Variants in TMEM132D observed in about 807,000 individuals in gnomAD.
TMEM132D encodes transmembrane protein 132D, also known as mature OL transmembrane protein.
A neutral mutation model predicts 62.3 loss-of-function variants in TMEM132D; 21 were observed. That is an observed-to-expected ratio of 0.34 (90% confidence interval 0.24 to 0.49). TMEM132D has a LOEUF of 0.49. TMEM132D is among the 20% of genes least tolerant of loss of function. The pLI is 0.99. For missense variants in TMEM132D, 1,346 were observed against 1,402.8 expected, an observed-to-expected ratio of 0.96 and a Z score of 0.65; for synonymous variants, 621 against 575.6, an observed-to-expected ratio of 1.08 and a Z score of -1.13.
At chr12:129,706,714 AC>A (rs1471624245) in intron 1 of TMEM132D, among the ~76,000 whole-genome samples, 1 of 151,992 alleles carries the variant, frequency 6.6e-6, no homozygotes, top group East Asian at 1.9e-4. Flanking sequence ...CTACAAGGAG[AC>A]AATAATAATA....
At chr12:129,310,847 G>T (rs1566029336) in intron 4 of TMEM132D, among the ~76,000 whole-genome samples, 2 of 152,160 alleles carry the variant, frequency 1.3e-5, no homozygotes, top group Admixed American at 6.5e-5. Flanking sequence ...GGGCTTGCAT[G>T]CATCGTTGTC....
chr12:129,222,873 T>C (rs1282785598), intron 4 of TMEM132D, among the ~76,000 whole-genome samples: 1 of 151,974 alleles, frequency 6.6e-6, no homozygotes, highest in African/African-American at 2.4e-5. Flanking sequence ...TATCACATAC[T>C]TGAAATTTGC....
At chr12:129,619,181 G>A (rs1878998408) in intron 2 of TMEM132D, among the ~76,000 whole-genome samples, 1 of 152,154 alleles carries the variant, frequency 6.6e-6, no homozygotes, top group Admixed American at 6.5e-5. Context: ...TTCCATCATA[G>A]CCTAAAATCG....
At chr12:129,130,015 C>CTGTGTGTGTGTGTGTG (rs59282376) in intron 5 of TMEM132D, among the ~76,000 whole-genome samples, 238 of 141,952 alleles carry the variant, frequency 1.7e-3, no homozygotes, top group Non-Finnish European at 2.2e-3. Context: ...AAGCTCTGCT[C>CTGTGTGTGTGTGTGTG]TGTGTGTGTG....
chr12:129,831,508 T>C (rs1267366091), intron 1 of TMEM132D, among the ~76,000 whole-genome samples: 1 of 152,210 alleles, frequency 6.6e-6, no homozygotes, highest in East Asian at 1.9e-4. Flanking sequence ...ATGCGGCCGG[T>C]GCCTCGGCTG....
chr12:129,272,214 G>A lies in TMEM132D; in HGVS notation c.1300-62551C>T, dbSNP rs189759411. Among the ~76,000 whole-genome samples, 97 of 151,940 alleles carry A rather than the reference G, an allele frequency of 6.4e-4. 1 individual carries two copies. Among genetic ancestry groups the A allele is most frequent in the Non-Finnish European group, 1.1e-3 (72 of 68,012 alleles). On this transcript the variant is annotated intron_variant, in intron 4 of 8. Transcript: ENST00000422113. ...GATCGGCAGGGACCGCATGCCCTGG[G>A]CACTTGCTGGGAATGCAGGATCCTA... is the stretch of plus-strand genomic sequence containing the variant.
At position 129,903,304 on chromosome 12, in the gene TMEM132D, G is replaced by C. The variant is rs1875432625; in HGVS notation, c.36C>G (p.His12Gln). 6.4e-7 allele frequency: 1 copy of C among 1,554,722 alleles called. No homozygotes were observed. Among genetic ancestry groups the C allele is most frequent in the Non-Finnish European group, 8.7e-7 (1 of 1,148,808 alleles). ...CCAGGCTGATGAGTACCGGCGACCA[G>C]TGGTGCCACAGCGTCCCCATCTCAG... ...CPSEMGTLWHHWSPVLISLAA... is the reference protein window; with the variant it reads ...CPSEMGTLWHQWSPVLISLAA... Residue 12 changes from histidine to glutamine, a missense_variant, in exon 1 of 9, where the codon CAC (histidine) becomes CAG (glutamine). Transcript: ENST00000422113. This position sits in a 1 kb window ranked among gnomAD's most constrained non-coding sequence, Gnocchi z 6.2.
intron 4 of TMEM132D, among the ~76,000 whole-genome samples, chr12:129,230,307 A>AGGC (rs1555239647): frequency 7.1e-5 from 10 of 140,642 alleles, no homozygotes; most frequent in East Asian, 2.1e-4. Context: ...TCTGTGTTGG[A>AGGC]GGGGGGGGGC....
At position 129,779,733 on chromosome 12, in the gene TMEM132D, T is replaced by A. The variant is rs1397582743; in HGVS notation, c.80-79035A>T. Among the ~76,000 whole-genome samples the A allele has an allele frequency of 6.6e-6, 1 of 152,094 alleles. No individual in the cohort carries two copies. ...ACAGCTCTTGTTCTGGCGAGTCTCATTACTTATGGTTTATTCTGGGAACAG... is the reference window on the plus strand; with the variant it reads ...ACAGCTCTTGTTCTGGCGAGTCTCAATACTTATGGTTTATTCTGGGAACAG... On this transcript the variant is annotated intron_variant, in intron 1 of 8. Transcript: ENST00000422113. This position sits in a 1 kb window ranked among gnomAD's most constrained non-coding sequence, Gnocchi z 4.1.
chr12:129,609,709 CG>C (rs1878719692), intron 2 of TMEM132D, among the ~76,000 whole-genome samples: 1 of 152,040 alleles, frequency 6.6e-6, no homozygotes, highest in Non-Finnish European at 1.5e-5. Context: ...ACGAAGAGGT[CG>C]GGCCCCTCTT....
chr12:129,321,903 C>T (rs7307861), intron 4 of TMEM132D, among the ~76,000 whole-genome samples: 72,634 of 151,918 alleles, frequency 0.48, 17,736 homozygotes, highest in East Asian at 0.65. Context: ...CGAATGTTTC[C>T]TTCCTGCTCT....
chr12:129,254,680 A>T (rs11060226), intron 4 of TMEM132D, among the ~76,000 whole-genome samples: 50,105 of 152,054 alleles, frequency 0.33, 9,085 homozygotes, highest in Non-Finnish European at 0.41. Context: ...TCTGTCGTGG[A>T]GACGGGTCTC....
intron 3 of TMEM132D, among the ~76,000 whole-genome samples, chr12:129,453,186 G>T (rs1483185094): frequency 6.6e-6 from 1 of 152,172 alleles, no homozygotes; most frequent in African/African-American, 2.4e-5. Flanking sequence ...CCACCTCTCT[G>T]CAGTCCACGG....
At chr12:129,272,988 GAGTTCA>G (rs1880895349) in intron 4 of TMEM132D, among the ~76,000 whole-genome samples, 1 of 151,822 alleles carries the variant, frequency 6.6e-6, no homozygotes, top group Admixed American at 6.5e-5. Flanking sequence ...TTGAGGTCAG[GAGTTCA>G]AGACCACCCT....
intron 4 of TMEM132D, among the ~76,000 whole-genome samples, chr12:129,319,960 A>G (rs567827020): frequency 6.6e-6 from 1 of 152,328 alleles, no homozygotes; most frequent in South Asian, 2.1e-4. Flanking sequence ...GATATTTTAG[A>G]GAGAAATGCC....
chr12:129,647,444 A>T (rs1490938237), intron 2 of TMEM132D, among the ~76,000 whole-genome samples: 1 of 152,094 alleles, frequency 6.6e-6, no homozygotes, highest in Non-Finnish European at 1.5e-5. Context: ...CTTCAGATGT[A>T]GGAGAGCTTC....
At chr12:129,506,786 G>C (rs1032234349) in intron 3 of TMEM132D, among the ~76,000 whole-genome samples, 3 of 152,168 alleles carry the variant, frequency 2.0e-5, no homozygotes, top group African/African-American at 7.2e-5. Context: ...AACTCTTCTA[G>C]ACATTGGCTT....
At chr12:129,683,156 G>A (rs954783013) in intron 2 of TMEM132D, 8 of 151,308 alleles carry the variant, frequency 5.3e-5, no homozygotes, top group South Asian at 2.1e-4. Flanking sequence ...AAGGAATCTC[G>A]CAGTATCAGT....
chr12:129,097,688 A>G (rs1875159886), intron 5 of TMEM132D, among the ~76,000 whole-genome samples: 1 of 152,236 alleles, frequency 6.6e-6, no homozygotes, highest in Non-Finnish European at 1.5e-5. Flanking sequence ...CTCTGGGCTA[A>G]TCATAGTCTA....
Sources: gnomAD v4.1 joint callset for allele counts (sites outside exome capture counted in the v4.1 genomes callset) on GRCh38, gnomAD v4.1.1 for gene constraint, Gnocchi (gnomAD v3.1) non-coding constraint, MANE v1.5 for transcripts, NCBI Gene and HGNC (gene_info 2026-07-23, HGNC 2026-07-21) for gene names.